PRDM5: variants seen among roughly 807,000 people sequenced by gnomAD.
The protein encoded by PRDM5 is PR domain zinc finger protein 5.
In PRDM5, 56 loss-of-function variants were observed where a neutral mutation model predicts 81.2. The observed-to-expected ratio is 0.69, with a 90% CI of 0.56 to 0.86. The LOEUF is 0.86. Ranked by LOEUF, PRDM5 falls within the 40% of genes least tolerant of loss-of-function variation. PRDM5 has a pLI of 0.00. For synonymous variants in PRDM5, 267 were observed against 256.4 expected, an observed-to-expected ratio of 1.04 and a Z score of -0.39; for missense variants, 697 against 770.1, an observed-to-expected ratio of 0.91 and a Z score of 1.12.
chr4:120,884,577 A>G (rs1189777484), intron 2 of PRDM5, among the ~76,000 whole-genome samples: 1 of 152,186 alleles, frequency 6.6e-6, no homozygotes, highest in Non-Finnish European at 1.5e-5. Context: ...TCTCTGCCCG[A>G]TACTTTTTAT....
intron 2 of PRDM5, among the ~76,000 whole-genome samples, chr4:120,872,121 A>T (rs1193941767): frequency 7.4e-6 from 1 of 135,682 alleles, no homozygotes; most frequent in Non-Finnish European, 1.5e-5. Flanking sequence ...ACTGCATTCC[A>T]GCCTGGGCGA....
At chr4:120,701,689 A>T (rs188712526) in intron 15 of PRDM5, among the ~76,000 whole-genome samples, 1 of 152,244 alleles carries the variant, frequency 6.6e-6, no homozygotes, top group Admixed American at 6.5e-5. Flanking sequence ...AGGGGAGGAG[A>T]TAAGGGTTGA....
intron 14 of PRDM5, among the ~76,000 whole-genome samples, chr4:120,711,236 T>C (rs1736931936): frequency 6.6e-6 from 1 of 152,222 alleles, no homozygotes; most frequent in Admixed American, 6.5e-5. Context: ...ATAAAAACTT[T>C]AGAACTAAAT....
chr4:120,775,142 C>T (rs903128069), intron 13 of PRDM5, among the ~76,000 whole-genome samples: 1 of 151,286 alleles, frequency 6.6e-6, no homozygotes, highest in African/African-American at 2.4e-5. Context: ...AGAATCTGTA[C>T]AACAATTTGG....
At chr4:120,812,220 C>T (rs978865012) in intron 7 of PRDM5, among the ~76,000 whole-genome samples, 2 of 152,152 alleles carry the variant, frequency 1.3e-5, no homozygotes, top group African/African-American at 4.8e-5. Flanking sequence ...CAAATATTGG[C>T]TATTGTGAAT....
At chr4:120,732,125 A>G (rs551278246) in intron 14 of PRDM5, among the ~76,000 whole-genome samples, 159 of 152,298 alleles carry the variant, frequency 1.0e-3, no homozygotes, top group African/African-American at 3.6e-3. Flanking sequence ...AGTCTTTACC[A>G]TATGGAGGTC....
intron 1 of PRDM5, among the ~76,000 whole-genome samples, chr4:120,685,509 G>A (rs1296024471): frequency 6.6e-6 from 1 of 152,038 alleles, no homozygotes; most frequent in Admixed American, 6.6e-5. Flanking sequence ...AAATTAAAAT[G>A]TTATCAATTT....
chr4:120,725,457 C>T lies in PRDM5; in HGVS notation c.1624-15044G>A, dbSNP rs1008969768. Among the ~76,000 whole-genome samples the T allele has an allele frequency of 3.0e-4, 46 of 152,226 alleles. 1 individual carries two copies. The highest frequency in any genetic ancestry group is 1.1e-3 in the African/African-American group (46 of 41,534). ...TGACCCTACTGTCATCAGTAGTAAC[C>T]AGAAACAGATCACATTTCACTTTTT... On this transcript the variant is annotated intron_variant, in intron 14 of 15. Transcript: ENST00000264808.
chr4:120,807,553 T>A (rs1288198036), intron 8 of PRDM5, among the ~76,000 whole-genome samples: 1 of 152,222 alleles, frequency 6.6e-6, no homozygotes, highest in Non-Finnish European at 1.5e-5. Flanking sequence ...TGAGTTCATG[T>A]CCTTTGTAGG....
chr4:120,758,892 A>AC (rs1745188111), intron 13 of PRDM5, among the ~76,000 whole-genome samples: 1 of 151,980 alleles, frequency 6.6e-6, no homozygotes, highest in South Asian at 2.1e-4. Context: ...AGTAGCTGGG[A>AC]CTACAGGTGC....
At chr4:120,820,371 C>T (rs1337265365) in intron 4 of PRDM5, among the ~76,000 whole-genome samples, 1 of 152,134 alleles carries the variant, frequency 6.6e-6, no homozygotes, top group Non-Finnish European at 1.5e-5. Context: ...TGCTGCTTAC[C>T]AAGTATCTAG....
At chr4:120,686,306 C>T (rs1733830637) in intron 1 of PRDM5, among the ~76,000 whole-genome samples, 1 of 151,992 alleles carries the variant, frequency 6.6e-6, no homozygotes. Context: ...CTTTCTCTCT[C>T]CTAGGAATAG....
intron 14 of PRDM5, among the ~76,000 whole-genome samples, chr4:120,744,810 G>T (rs1275528205): frequency 6.7e-6 from 1 of 149,364 alleles, no homozygotes; most frequent in Non-Finnish European, 1.5e-5. Context: ...ACCAAAAAGA[G>T]TCCAGGACCA....
At chr4:120,778,202 G>T (rs144827084) in intron 12 of PRDM5, among the ~76,000 whole-genome samples, 1 of 152,084 alleles carries the variant, frequency 6.6e-6, no homozygotes, top group Non-Finnish European at 1.5e-5. Context: ...ATTAATAAAA[G>T]TATTAATGTT....
rs1553997193 is a variant in PRDM5 at position 120,863,191 on chromosome 4, T to TATACAC, written c.178-9652_178-9651insGTGTAT. 5.6e-3 allele frequency among the ~76,000 whole-genome samples: 393 copies of TATACAC among 70,248 alleles called. 4 individuals carry two copies. Among genetic ancestry groups the TATACAC allele is most frequent in the South Asian group, 0.024 (43 of 1,756 alleles). The allele number at this position is 70,248 out of a possible 152,430, so 46.1% of individuals were successfully genotyped here. A position where few individuals can be genotyped will look rare whatever the true frequency, so the allele number is the denominator to read the frequency against. The stretch of plus-strand genomic sequence containing the variant: ...AAAAAAAAAAATATATATATATATA[T>TATACAC]ACACACACACACACACACACACACA... On this transcript the variant is annotated intron_variant, in intron 2 of 15. Transcript: ENST00000264808.
intron 14 of PRDM5, among the ~76,000 whole-genome samples, chr4:120,718,607 A>G (rs13132567): frequency 0.11 from 17,432 of 152,260 alleles, 1,330 homozygotes; most frequent in Non-Finnish European, 0.17. Flanking sequence ...ATTGTATATC[A>G]TTGATTTTAG....
At chr4:120,863,191 T>TATATACACACACACACACACAC (rs1553997193) in intron 2 of PRDM5, among the ~76,000 whole-genome samples, 2 of 70,322 alleles carry the variant, frequency 2.8e-5, no homozygotes, top group South Asian at 5.7e-4. Context: ...TATATATATA[T>TATATACACACACACACACACAC]ACACACACAC....
intron 10 of PRDM5, among the ~76,000 whole-genome samples, chr4:120,785,349 C>T (rs1226271327): frequency 3.3e-5 from 5 of 152,052 alleles, no homozygotes; most frequent in Non-Finnish European, 5.9e-5. Context: ...TTATCTCAAA[C>T]TGCTAATCTG....
At chr4:120,812,927 A>T in intron 7 of PRDM5, 1 of 170,128 alleles carries the variant, frequency 5.9e-6, no homozygotes, top group Middle Eastern at 1.4e-3. Context: ...TCATAAAGTG[A>T]TTGTGTTAAT....
Sources: allele counts gnomAD v4.1 joint callset (sites outside exome capture counted in the v4.1 genomes callset), GRCh38; gene constraint gnomAD v4.1.1; transcripts MANE v1.5; gene names NCBI Gene and HGNC (gene_info 2026-07-23, HGNC 2026-07-21).